The following SVOP variants were observed in gnomAD, a reference collection of about 807,000 sequenced individuals.
The protein encoded by SVOP is synaptic vesicle 2-related protein.
SVOP carries 17 observed loss-of-function variants against 69.1 expected under a neutral mutation model. The ratio of observed to expected loss-of-function variants is 0.25; its 90% CI spans 0.17 to 0.37. SVOP has a LOEUF of 0.37. SVOP is among the 10% of genes least tolerant of loss of function. SVOP has a pLI of 1.00. For synonymous variants in SVOP, 238 were observed against 238.6 expected, an observed-to-expected ratio of 1.00 and a Z score of 0.02; for missense variants, 435 against 597.5, an observed-to-expected ratio of 0.73 and a Z score of 2.84.
At chr12:108,944,973 C>T (rs768725164) in intron 7 of SVOP, 130 bp downstream of exon 7, 59 of 775,298 alleles carry the variant, frequency 7.6e-5, no homozygotes, top group Admixed American at 4.0e-4. Flanking sequence ...GATCCTTTTA[C>T]GTCTTTGCAT....
At chr12:108,922,574 C>T in intron 12 of SVOP, 116 bp downstream of exon 12, 1 of 729,294 alleles carries the variant, frequency 1.4e-6, no homozygotes. Flanking sequence ...AAACAAAGTC[C>T]CTCGCTGACT....
intron 2 of SVOP, among the ~76,000 whole-genome samples, chr12:108,983,098 G>A (rs1387667408): frequency 3.3e-5 from 4 of 120,972 alleles, no homozygotes; most frequent in Non-Finnish European, 7.0e-5. Flanking sequence ...CCATCATCAT[G>A]ATCACCATCA....
chr12:108,968,091 G>A (rs1340755415), intron 5 of SVOP, among the ~76,000 whole-genome samples: 1 of 152,198 alleles, frequency 6.6e-6, no homozygotes, highest in Non-Finnish European at 1.5e-5. Flanking sequence ...ACACTCATCA[G>A]GCAGTTGCTG....
chr12:108,933,846 C>T (rs939312926), intron 11 of SVOP, among the ~76,000 whole-genome samples: 1 of 152,148 alleles, frequency 6.6e-6, no homozygotes, highest in African/African-American at 2.4e-5. Context: ...AACCCACCTG[C>T]TTTTTGTTCC....
intron 5 of SVOP, among the ~76,000 whole-genome samples, chr12:108,970,452 C>T (rs1008313655): frequency 2.0e-5 from 3 of 152,156 alleles, no homozygotes; most frequent in African/African-American, 7.2e-5. Context: ...TGCTATACAA[C>T]GCGCTATTTT....
chr12:108,947,343 GTCTA>G (rs920860364), intron 6 of SVOP, among the ~76,000 whole-genome samples: 4 of 151,978 alleles, frequency 2.6e-5, no homozygotes, highest in South Asian at 2.1e-4. Context: ...TTATCTGTCT[GTCTA>G]TCTATCTATC....
chr12:109,018,105 G>GATGAATGAATGA (rs3059703), intron 1 of SVOP, among the ~76,000 whole-genome samples: 8 of 110,638 alleles, frequency 7.2e-5, no homozygotes, highest in Non-Finnish European at 1.2e-4. Flanking sequence ...AGAATGGATG[G>GATGAATGAATGA]ATGAATGAAT....
rs1367479915 is a variant in SVOP at position 108,912,096 on chromosome 12, G to A, written c.*439C>T. ...ATTTCAAAGAAGAAAGCCTGGGGCTGTGAGTGTGGGAGAAACCTACTGAAC... is the reference window on the plus strand; with the variant it reads ...ATTTCAAAGAAGAAAGCCTGGGGCTATGAGTGTGGGAGAAACCTACTGAAC... On this transcript the variant is annotated 3_prime_UTR_variant, in exon 16 of 16. Transcript: ENST00000610966. 2.5e-6 allele frequency: 2 copies of A among 808,300 alleles called. No homozygotes were observed. The highest frequency in any genetic ancestry group is 1.9e-5 in the African/African-American group (1 of 53,848). The allele number at this position is 808,300 out of a possible 1,614,324, so 50.1% of individuals were successfully genotyped here. A position where few individuals can be genotyped will look rare whatever the true frequency, so the allele number is the denominator to read the frequency against.
At chr12:109,001,862 G>A (rs1285140507) in intron 1 of SVOP, among the ~76,000 whole-genome samples, 4 of 151,314 alleles carry the variant, frequency 2.6e-5, no homozygotes, top group African/African-American at 7.3e-5. Context: ...AACCCTAGAA[G>A]AAAACCTAGG....
chr12:108,959,481 G>A (rs2040004886), intron 6 of SVOP, among the ~76,000 whole-genome samples: 1 of 150,800 alleles, frequency 6.6e-6, no homozygotes. Flanking sequence ...AGCCTCCCAA[G>A]TATCTGGGAC....
chr12:108,919,651 T>A (rs748864852), intron 13 of SVOP, 24 bp downstream of exon 13: 1 of 1,565,468 alleles, frequency 6.4e-7, no homozygotes, highest in East Asian at 2.3e-5. Context: ...CTCAAACTCA[T>A]ACCTAGGCTT....
intron 1 of SVOP, among the ~76,000 whole-genome samples, chr12:109,008,186 C>T (rs2040319957): frequency 1.3e-5 from 2 of 152,196 alleles, no homozygotes; most frequent in South Asian, 4.1e-4. Context: ...TCAGCCAAAG[C>T]TTCTGTACCT....
chr12:108,940,850 G>A lies in SVOP; in HGVS notation c.702C>T (p.Ser234=), dbSNP rs377486550. Reference sequence around the variant, plus strand: ...GGATGAGCAGCCAACGCCAGCCCAGGCTGGGCATCACGAACACAGCCAGGA... The same window carrying A: ...GGATGAGCAGCCAACGCCAGCCCAGACTGGGCATCACGAACACAGCCAGGA... ...EVVLAVFVMP[S]LGWRWLLILS... Residue 234 remains serine (S), a synonymous_variant, in exon 8 of 16, where the codon AGC becomes AGT. Coordinates refer to ENST00000610966, the MANE Select transcript of SVOP (RefSeq NM_018711.5). 202 of 1,537,096 alleles carry A rather than the reference G, an allele frequency of 1.3e-4. No individual in the cohort carries two copies. The highest frequency in any genetic ancestry group is 1.6e-4 in the Non-Finnish European group (189 of 1,146,898).
At chr12:108,919,654 C>G in intron 13 of SVOP, 21 bp downstream of exon 13, 1 of 1,572,140 alleles carries the variant, frequency 6.4e-7, no homozygotes, top group East Asian at 2.3e-5. Flanking sequence ...AAACTCATAC[C>G]TAGGCTTGCA....
intron 6 of SVOP, among the ~76,000 whole-genome samples, chr12:108,949,220 T>C (rs551173254): frequency 6.6e-6 from 1 of 152,190 alleles, no homozygotes; most frequent in East Asian, 1.9e-4. Context: ...CCAACTCCCA[T>C]TCCTCTCCCC....
intron 1 of SVOP, among the ~76,000 whole-genome samples, chr12:109,008,350 A>G (rs1002168686): frequency 3.3e-5 from 5 of 152,190 alleles, no homozygotes; most frequent in South Asian, 2.1e-4. Flanking sequence ...GAAAGTCACC[A>G]TCTGATGCCT....
chr12:109,006,242 G>C (rs1337442947), intron 1 of SVOP, among the ~76,000 whole-genome samples: 2 of 151,928 alleles, frequency 1.3e-5, no homozygotes, highest in East Asian at 3.9e-4. Context: ...TAGTAGAGAT[G>C]GGGTTTCACC....
chr12:109,013,487 T>G (rs2040353271), intron 1 of SVOP, among the ~76,000 whole-genome samples: 1 of 151,936 alleles, frequency 6.6e-6, no homozygotes, highest in Admixed American at 6.6e-5. Flanking sequence ...GCCTCCCAGG[T>G]TCAAGTGATT....
At chr12:108,930,828 C>T (rs2039812834) in intron 11 of SVOP, among the ~76,000 whole-genome samples, 1 of 152,158 alleles carries the variant, frequency 6.6e-6, no homozygotes, top group African/African-American at 2.4e-5. Context: ...TCATACAGCT[C>T]ACTATGTATG....
Sources: gnomAD v4.1 joint callset for allele counts (sites outside exome capture counted in the v4.1 genomes callset) on GRCh38, gnomAD v4.1.1 for gene constraint, MANE v1.5 for transcripts, NCBI Gene and HGNC (gene_info 2026-07-23, HGNC 2026-07-21) for gene names.